The following ZNF860 variants were observed in gnomAD, a reference collection of about 807,000 sequenced individuals.
The protein encoded by ZNF860 is zinc finger protein 860.
For synonymous variants in ZNF860, 206 were observed against 248.9 expected (o/e 0.83, Z 1.62); for missense variants, 641 against 759.2 (o/e 0.84, Z 1.83).
Position 31,990,233 on chromosome 3 carries a change from T to C in ZNF860, c.1154T>C (p.Leu385Pro), listed in dbSNP as rs758460517. The change falls in exon 2 of 2, where the codon CTT becomes CCT. Residue 385 changes from leucine to proline, a missense_variant. Coordinates refer to ENST00000360311, the MANE Select transcript of ZNF860 (RefSeq NM_001137674.3). ...CGKAFSGQST[L>P]IHHQAIHGIG... ...AAAGCCTTTAGTGGGCAGTCAACACTTATTCACCATCAAGCAATCCATGGT... is the reference window on the plus strand; with the variant it reads ...AAAGCCTTTAGTGGGCAGTCAACACCTATTCACCATCAAGCAATCCATGGT... 21 of 1,613,936 alleles carry C rather than the reference T, an allele frequency of 1.3e-5. No individual in the cohort carries two copies. Among genetic ancestry groups the C allele is most frequent in the Non-Finnish European group, 1.7e-6 (2 of 1,179,952 alleles).
At chr3:32,005,266 T>C in the ZNF860 span, among the ~76,000 whole-genome samples, 1 of 152,142 alleles carries the variant, frequency 6.6e-6, no homozygotes, top group Non-Finnish European at 1.5e-5. Flanking sequence ...GATCTACCCA[T>C]GATGCACACG....
At chr3:32,004,342 A>G in the ZNF860 span, among the ~76,000 whole-genome samples, 1 of 152,106 alleles carries the variant, frequency 6.6e-6, no homozygotes, top group African/African-American at 2.4e-5. Context: ...TTGCTGGATT[A>G]TGCTGTGATA....
intron 1 of ZNF860, among the ~76,000 whole-genome samples, chr3:31,984,788 T>C (rs1698910609): frequency 6.6e-6 from 1 of 152,226 alleles, no homozygotes; most frequent in Non-Finnish European, 1.5e-5. Flanking sequence ...ATCCTTGCTT[T>C]AGGGTTAGAC....
At chr3:32,000,221 G>C in the ZNF860 span, among the ~76,000 whole-genome samples, 1 of 152,062 alleles carries the variant, frequency 6.6e-6, no homozygotes, top group Non-Finnish European at 1.5e-5. Context: ...TAATTTCACT[G>C]TAGCATGGTC....
chr3:31,990,718 T>G lies in ZNF860; in HGVS notation c.1639T>G (p.Phe547Val), dbSNP rs754701742. ...CAAATGTGAAGAATGTGACACAGTT[T>G]TCAGTCGCAAATCACACCATGAAAC... ...PYKCEECDTV[F>V]SRKSHHETHK... The change falls in exon 2 of 2, where the codon TTC becomes GTC. Residue 547 changes from phenylalanine to valine, a missense_variant. Phe to Val is a conservative substitution (Grantham distance 50). Transcript: ENST00000360311. 79 of 1,613,960 alleles carry G rather than the reference T, an allele frequency of 4.9e-5. No individual in the cohort carries two copies. In the Admixed American group the frequency reaches 1.3e-3, roughly 26 times the overall value.
At chr3:31,995,550 G>A (rs1281187184), downstream of ZNF860, among the ~76,000 whole-genome samples, 3 of 152,088 alleles carry the variant, frequency 2.0e-5, no homozygotes, top group Non-Finnish European at 4.4e-5. Flanking sequence ...AAGGTGCACT[G>A]ACTTCATATT....
the ZNF860 span, among the ~76,000 whole-genome samples, chr3:32,000,161 C>T: frequency 3.3e-3 from 500 of 152,220 alleles, 2 homozygotes; most frequent in Non-Finnish European, 5.8e-3. Context: ...GGTAAATTAA[C>T]GTTCATTTTC....
At position 31,990,698 on chromosome 3, in the gene ZNF860, G is replaced by A. The variant is rs761940384; in HGVS notation, c.1619G>A (p.Cys540Tyr). The change falls in exon 2 of 2, where the codon TGT becomes TAT. Residue 540 changes from cysteine (C) to tyrosine (Y), a missense_variant. Transcript: ENST00000360311. ...CATACTGGAGAGAAACCTTACAAAT[G>A]TGAAGAATGTGACACAGTTTTCAGT... is the stretch of plus-strand genomic sequence containing the variant. ...RLHTGEKPYK[C>Y]EECDTVFSRK... The A allele has an allele frequency of 3.7e-6, 6 of 1,614,110 alleles. No individual in the cohort carries two copies. Among genetic ancestry groups the A allele is most frequent in the East Asian group, 4.5e-5 (2 of 44,872 alleles).
chr3:31,986,882 C>T lies in ZNF860; in HGVS notation c.-420-1778C>T, dbSNP rs1232217640. On this transcript the variant is annotated intron_variant, in intron 1 of 1. Coordinates refer to ENST00000360311, the MANE Select transcript of ZNF860 (RefSeq NM_001137674.3). ...AAGCCAGCCACAGTGGCACATGTAC[C>T]TGTAGTCCCAGCTACTCAGGAGGCT... is the stretch of plus-strand genomic sequence containing the variant. Among the ~76,000 whole-genome samples the T allele has an allele frequency of 4.6e-5, 7 of 152,150 alleles. No homozygotes were observed. The Middle Eastern group carries it at 0.017, about 370-fold the overall frequency.
At chr3:32,006,327 T>C in the ZNF860 span, among the ~76,000 whole-genome samples, 1 of 152,246 alleles carries the variant, frequency 6.6e-6, no homozygotes, top group Non-Finnish European at 1.5e-5. Flanking sequence ...TGTGTATTTT[T>C]CTGTTGGATT....
the ZNF860 span, among the ~76,000 whole-genome samples, chr3:32,003,918 C>T: frequency 1.3e-5 from 2 of 152,154 alleles, no homozygotes; most frequent in African/African-American, 4.8e-5. Context: ...CTCTTTTGGA[C>T]TTGTTCACCC....
chr3:31,989,940 G>A lies in ZNF860; in HGVS notation c.861G>A (p.Lys287=). ...HRCHTGEKPY[K]CNECGKVFNQ... is the part of the protein sequence containing the mutation. ...GTCACACTGGTGAGAAACCTTACAA[G>A]TGTAATGAATGTGGCAAGGTTTTTA... The change falls in exon 2 of 2, where the codon AAG becomes AAA. Residue 287 remains lysine (K), a synonymous_variant. Coordinates refer to ENST00000360311, the MANE Select transcript of ZNF860 (RefSeq NM_001137674.3). 6.2e-7 allele frequency: 1 copy of A among 1,614,134 alleles called. No homozygotes were observed. The highest frequency in any genetic ancestry group is 8.5e-7 in the Non-Finnish European group (1 of 1,180,000).
chr3:31,989,093 A>G lies in ZNF860; in HGVS notation c.14A>G (p.Glu5Gly). Reference sequence around the variant, plus strand: ...TTCTAAAGACTCATGTTACGTGAGGAAGCAGCTCAGAAGAGGAAAGAAAAG... The same window carrying G: ...TTCTAAAGACTCATGTTACGTGAGGGAGCAGCTCAGAAGAGGAAAGAAAAG... MLRE[E>G]AAQKRKEKEP... Residue 5 changes from glutamate to glycine, a missense_variant, in exon 2 of 2, where the codon GAA becomes GGA. Physicochemically the swap from Glu to Gly is moderately conservative, Grantham distance 98 (BLOSUM62 -2). Transcript: ENST00000360311. 6.2e-7 allele frequency: 1 copy of G among 1,614,068 alleles called. No homozygotes were observed. Among genetic ancestry groups the G allele is most frequent in the Non-Finnish European group, 8.5e-7 (1 of 1,179,940 alleles).
intron 1 of ZNF860, among the ~76,000 whole-genome samples, chr3:31,985,726 G>A (rs1221560018): frequency 2.0e-5 from 3 of 152,208 alleles, no homozygotes; most frequent in East Asian, 1.9e-4. Context: ...GGTCATGTCT[G>A]TGTTAGAAAC....
At chr3:32,006,199 G>T in the ZNF860 span, among the ~76,000 whole-genome samples, 1 of 152,180 alleles carries the variant, frequency 6.6e-6, no homozygotes, top group African/African-American at 2.4e-5. Context: ...CTCTGCCTCG[G>T]CCTCTCAAAG....
At chr3:31,993,681 TAC>T (rs139678560), downstream of ZNF860, among the ~76,000 whole-genome samples, 185 of 146,768 alleles carry the variant, frequency 1.3e-3, no homozygotes, top group East Asian at 3.2e-3. Flanking sequence ...TACACACACA[TAC>T]ACACACACAC....
intron 1 of ZNF860, among the ~76,000 whole-genome samples, chr3:31,986,811 C>G (rs1029639994): frequency 6.6e-6 from 1 of 151,932 alleles, no homozygotes; most frequent in Admixed American, 6.6e-5. Flanking sequence ...TCCAGACCAG[C>G]CTGGGCAACC....
chr3:31,987,069 T>A (rs896288554), intron 1 of ZNF860, among the ~76,000 whole-genome samples: 9 of 152,000 alleles, frequency 5.9e-5, no homozygotes, highest in Admixed American at 1.3e-4. Context: ...AATATATATG[T>A]GTATATATAC....
the ZNF860 span, among the ~76,000 whole-genome samples, chr3:32,000,157 T>C: frequency 1.3e-5 from 2 of 152,184 alleles, no homozygotes; most frequent in African/African-American, 4.8e-5. Flanking sequence ...ACCTGGTAAA[T>C]TAACGTTCAT....
Sources: allele counts gnomAD v4.1 joint callset (sites outside exome capture counted in the v4.1 genomes callset), GRCh38; gene constraint gnomAD v4.1.1; transcripts MANE v1.5; gene names NCBI Gene and HGNC (gene_info 2026-07-23, HGNC 2026-07-21).